PSMG1: variants seen among roughly 807,000 people sequenced by gnomAD.
PSMG1 encodes proteasome assembly chaperone 1.
PSMG1 carries 23 observed loss-of-function variants against 37.2 expected under a neutral mutation model. The ratio of observed to expected loss-of-function variants is 0.62; its 90% CI spans 0.44 to 0.88. The LOEUF (loss-of-function observed/expected upper bound fraction) is 0.88. Ranked by LOEUF, PSMG1 falls within the 40% of genes least tolerant of loss-of-function variation. PSMG1 has a pLI of 0.00. For missense variants in PSMG1, 340 were observed against 344.2 expected (o/e 0.99, Z 0.10); for synonymous variants, 127 against 128.0 (o/e 0.99, Z 0.05).
Position 39,180,374 on chromosome 21 carries a change from A to G in PSMG1, c.304T>C (p.Trp102Arg), listed in dbSNP as rs1217887709. 22 of 1,611,756 alleles carry G rather than the reference A, an allele frequency of 1.4e-5. No homozygotes were observed. The highest frequency in any genetic ancestry group is 1.9e-5 in the Non-Finnish European group (22 of 1,178,932). Residue 102 changes from tryptophan (W) to arginine (R), a missense_variant, in exon 3 of 7, where the codon TGG (tryptophan) becomes CGG (arginine). By Grantham distance (101) the Trp-to-Arg change is moderately radical. Transcript: ENST00000331573. ...VWEEVGCAKL[W>R]NEWCRTTDTT... ...TCTGTTGTTCTACACCATTCATTCC[A>G]GAGTTTAGCACAACCAACTTCCTCC... is the stretch of plus-strand genomic sequence containing the variant.
rs1458427010 is a variant in PSMG1, at chr21:39,179,959, C to T, written c.421G>A (p.Val141Ile). 6.2e-7 allele frequency: 1 copy of T among 1,613,180 alleles called. No individual in the cohort carries two copies. Among genetic ancestry groups the T allele is most frequent in the Non-Finnish European group, 8.5e-7 (1 of 1,179,964 alleles). Reference protein sequence around the residue: ...SVFLCQCSCYVAEDQQYQWLE... With the variant: ...SVFLCQCSCYIAEDQQYQWLE... ...CACTGATACTGTTGATCTTCTGCAA[C>T]ATAGCAACTGCACTGACAGAGAAAA... Residue 141 changes from valine to isoleucine, a missense_variant, in exon 4 of 7, where the codon GTT (valine) becomes ATT (isoleucine). Transcript: ENST00000331573.
chr21:39,180,307 T>C lies in PSMG1; in HGVS notation c.371A>G (p.Tyr124Cys), dbSNP rs149520065. ...TACCGAGGGATTGGATTTTAGATGA[T>C]AAAACACACAAAAAGCCTCTGTGGA... ...LSSTEAFCVFYHLKSNPSVFL... is the reference protein window; with the variant it reads ...LSSTEAFCVFCHLKSNPSVFL... The change falls in exon 3 of 7, where the codon TAT becomes TGT. Residue 124 changes from tyrosine to cysteine, a missense_variant. Coordinates refer to ENST00000331573, the MANE Select transcript of PSMG1 (RefSeq NM_003720.4). 12 of 1,606,108 alleles carry C rather than the reference T, an allele frequency of 7.5e-6. No homozygotes were observed. The African/African-American group carries it at 1.6e-4, about 22-fold the overall frequency.
chr21:39,175,433 C>A lies in PSMG1; in HGVS notation c.*157G>T. On this transcript the variant is annotated 3_prime_UTR_variant, in exon 7 of 7. Transcript: ENST00000331573. ...TTATTTTGGTTGTGAATAATACCAC[C>A]ATAAATAAGGAATTAAAACTACAAT... 1 of 1,164,294 alleles carries A rather than the reference C, an allele frequency of 8.6e-7. No individual in the cohort carries two copies. The highest frequency in any genetic ancestry group is 1.1e-6 in the Non-Finnish European group (1 of 906,834). The allele number at this position is 1,164,294 out of a possible 1,614,324, so 72.1% of individuals were successfully genotyped here.
chr21:39,178,945 C>T lies in PSMG1; in HGVS notation c.457-298G>A, dbSNP rs181998421. The T allele has an allele frequency of 1.2e-4, 42 of 349,932 alleles. No homozygotes were observed. In the Admixed American group the frequency reaches 1.7e-3, roughly 14 times the overall value. The allele number at this position is 349,932 out of a possible 1,614,324, so 21.7% of individuals were successfully genotyped here. On this transcript the variant is annotated intron_variant, in intron 4 of 6. Coordinates refer to ENST00000331573, the MANE Select transcript of PSMG1 (RefSeq NM_003720.4). ...AAATGTGATTCCCAATGTTGGAGGC[C>T]GGACTTGGTGGGAGGTGACTGGATA...
chr21:39,175,724 C>G lies in PSMG1; in HGVS notation c.793-60G>C. Reference sequence around the variant, plus strand: ...CCCAGGGATTCAGGCAGAGGCAACACCCCTCCCTCCACGACCAACAATCTC... The same window carrying G: ...CCCAGGGATTCAGGCAGAGGCAACAGCCCTCCCTCCACGACCAACAATCTC... On this transcript the variant is annotated intron_variant, in intron 6 of 6. Transcript: ENST00000331573. The G allele has an allele frequency of 2.8e-6, 3 of 1,074,974 alleles. No individual in the cohort carries two copies. The South Asian group carries it at 3.8e-5, about 14-fold the overall frequency. 66.6% of individuals were successfully genotyped at this position (1,074,974 alleles called of 1,614,324 possible). A position where few individuals can be genotyped will look rare whatever the true frequency, so the allele number is the denominator to read the frequency against.
intron 1 of PSMG1, among the ~76,000 whole-genome samples, chr21:39,182,415 A>C (rs879824316): frequency 2.6e-5 from 4 of 152,238 alleles, no homozygotes; most frequent in Non-Finnish European, 4.4e-5. Context: ...TAACCTGTGG[A>C]CCCTGTTAGG....
In PSMG1 at chr21:39,175,413, T is replaced by C; in HGVS notation, c.*177A>G. The C allele has an allele frequency of 1.0e-6, 1 of 953,314 alleles. No homozygotes were observed. The highest frequency in any genetic ancestry group is 3.7e-5 in the East Asian group (1 of 26,812). The allele number at this position is 953,314 out of a possible 1,614,324, so 59.1% of individuals were successfully genotyped here. On this transcript the variant is annotated 3_prime_UTR_variant, in exon 7 of 7. Transcript: ENST00000331573. ...ATAAAAGGAAAATGCTTGGCTTATT[T>C]TGGTTGTGAATAATACCACCATAAA...
chr21:39,182,997 C>A, intron 1 of PSMG1: 1 of 447,704 alleles, frequency 2.2e-6, no homozygotes, highest in Non-Finnish European at 3.9e-6. Context: ...TGAACCCAGC[C>A]CTCCCACAGC....
In PSMG1 at chr21:39,183,425, G is replaced by T. The variant is rs13052882; in HGVS notation, c.-40C>A. 4 of 1,539,836 alleles carry T rather than the reference G, an allele frequency of 2.6e-6. No individual in the cohort carries two copies. Among genetic ancestry groups the T allele is most frequent in the African/African-American group, 1.4e-5 (1 of 71,040 alleles). On this transcript the variant is annotated 5_prime_UTR_variant, in exon 1 of 7. Coordinates refer to ENST00000331573, the MANE Select transcript of PSMG1 (RefSeq NM_003720.4). ...CGGCTGGACACAACTGCAGCGCCGC[G>T]GGACCGCACGCCGGCTTGCGCGAGA...
At chr21:39,179,036 C>T (rs757577559) in intron 4 of PSMG1, among the ~76,000 whole-genome samples, 1 of 152,126 alleles carries the variant, frequency 6.6e-6, no homozygotes, top group Non-Finnish European at 1.5e-5. Context: ...TCTCACTTCT[C>T]GCTCAGTTCA....
At chr21:39,182,979 A>G (rs2030916480) in intron 1 of PSMG1, 2 of 407,074 alleles carry the variant, frequency 4.9e-6, no homozygotes. Flanking sequence ...GCCTTTAAAG[A>G]ACGGATTTGA....
chr21:39,180,156 GA>G (rs1345024765), intron 3 of PSMG1, 128 bp downstream of exon 3: 4 of 1,266,066 alleles, frequency 3.2e-6, no homozygotes, highest in Non-Finnish European at 4.3e-6. Context: ...CACTACTGGT[GA>G]TTAGTATCAG....
At chr21:39,176,761 CA>C (rs562197908) in intron 6 of PSMG1, among the ~76,000 whole-genome samples, 1 of 152,154 alleles carries the variant, frequency 6.6e-6, no homozygotes, top group Non-Finnish European at 1.5e-5. Flanking sequence ...CAACTTACCA[CA>C]AAAGTCTTAA....
rs200000347 is a variant in PSMG1, at chr21:39,183,255, T to A, written c.131A>T (p.Lys44Met). 16 of 1,582,406 alleles carry A rather than the reference T, an allele frequency of 1.0e-5. No homozygotes were observed. The East Asian group carries it at 3.8e-4, about 38-fold the overall frequency. ...TGCCCTTATCCCGGTGCCTCACCTC[T>A]TCCGCGCCAGCTGCAGACGCACCTC... is the stretch of plus-strand genomic sequence containing the variant. Reference protein sequence around the residue: ...DREVRLQLARKREVRLLRRQT... With the variant: ...DREVRLQLARMREVRLLRRQT... Residue 44 changes from lysine to methionine, a missense_variant, in exon 1 of 7, where the codon AAG becomes ATG. By Grantham distance (95) the Lys-to-Met change is moderately conservative. Coordinates refer to ENST00000331573, the MANE Select transcript of PSMG1 (RefSeq NM_003720.4).
At chr21:39,178,983 C>G (rs1355091484) in intron 4 of PSMG1, among the ~76,000 whole-genome samples, 1 of 151,912 alleles carries the variant, frequency 6.6e-6, no homozygotes, top group Non-Finnish European at 1.5e-5. Context: ...GGGGTAGATC[C>G]CTCATGAATG....
chr21:39,175,559 A>G lies in PSMG1; in HGVS notation c.*31T>C. The G allele has an allele frequency of 1.3e-6, 2 of 1,573,766 alleles. No individual in the cohort carries two copies. The highest frequency in any genetic ancestry group is 1.1e-5 in the South Asian group (1 of 88,304). On this transcript the variant is annotated 3_prime_UTR_variant, in exon 7 of 7. Coordinates refer to ENST00000331573, the MANE Select transcript of PSMG1 (RefSeq NM_003720.4). ...GCTGCTCCCCTTAAAGGAATGGACA[A>G]GTAATATACACTACAAAACAATGTT...
rs540997233 is a variant in PSMG1 at position 39,175,560 on chromosome 21, G to A, written c.*30C>T. 1.9e-4 allele frequency: 306 copies of A among 1,581,398 alleles called. 1 individual carries two copies. In the South Asian group the frequency reaches 3.3e-3, roughly 17 times the overall value. ...CTGCTCCCCTTAAAGGAATGGACAA[G>A]TAATATACACTACAAAACAATGTTT... On this transcript the variant is annotated 3_prime_UTR_variant, in exon 7 of 7. Coordinates refer to ENST00000331573, the MANE Select transcript of PSMG1 (RefSeq NM_003720.4).
intron 6 of PSMG1, among the ~76,000 whole-genome samples, chr21:39,176,001 C>T (rs1248593631): frequency 1.3e-5 from 2 of 152,182 alleles, no homozygotes; most frequent in African/African-American, 4.8e-5. Flanking sequence ...CACTTTCCCA[C>T]TCTGCTCACA....
chr21:39,183,081 G>T, intron 1 of PSMG1, 171 bp downstream of exon 1: 1 of 833,128 alleles, frequency 1.2e-6, no homozygotes, highest in Non-Finnish European at 1.7e-6. Flanking sequence ...TGGCGCCGCT[G>T]GACGCCGCGG....
Sources: gnomAD v4.1 joint callset for allele counts (sites outside exome capture counted in the v4.1 genomes callset) on GRCh38, gnomAD v4.1.1 for gene constraint, MANE v1.5 for transcripts, NCBI Gene and HGNC (gene_info 2026-07-23, HGNC 2026-07-21) for gene names.